The following PLEKHM3 variants were observed in gnomAD, a reference collection of about 807,000 sequenced individuals.
PLEKHM3 encodes pleckstrin homology domain-containing family M member 3.
PLEKHM3 carries 45 observed loss-of-function variants against 81.8 expected under a neutral mutation model. The observed-to-expected ratio is 0.55, with a 90% CI of 0.43 to 0.71. The LOEUF (loss-of-function observed/expected upper bound fraction) is 0.71, where lower values mean the gene tolerates loss of function less well. Ranked by LOEUF, PLEKHM3 falls within the 30% of genes least tolerant of loss-of-function variation. The pLI, the probability that PLEKHM3 is intolerant of heterozygous loss-of-function variation, is 0.00. For missense variants in PLEKHM3, 788 were observed against 924.3 expected (o/e 0.85, Z 1.91); for synonymous variants, 352 against 356.4 (o/e 0.99, Z 0.14).
intron 5 of PLEKHM3, among the ~76,000 whole-genome samples, chr2:207,910,444 C>T (rs1369902857): frequency 1.3e-5 from 2 of 152,170 alleles, no homozygotes. Context: ...ATCATTTTAT[C>T]TAATCCTCAC....
intron 6 of PLEKHM3, chr2:207,900,066 T>G (rs1309648990): frequency 6.6e-6 from 1 of 152,218 alleles, no homozygotes; most frequent in African/African-American, 2.4e-5. Flanking sequence ...CATTTTATTA[T>G]GGGCTCACAC....
At chr2:207,898,911 T>A (rs924358208) in intron 6 of PLEKHM3, among the ~76,000 whole-genome samples, 14 of 151,912 alleles carry the variant, frequency 9.2e-5, no homozygotes, top group Admixed American at 9.2e-4. Context: ...AATAAATAAA[T>A]AAAATAAAAT....
chr2:207,875,667 C>T lies in PLEKHM3; in HGVS notation c.1951-14405G>A, dbSNP rs115036132. Among the ~76,000 whole-genome samples, 260 of 152,290 alleles carry T rather than the reference C, an allele frequency of 1.7e-3. 1 individual carries two copies. The Middle Eastern group carries it at 0.02, about 12-fold the overall frequency. On this transcript the variant is annotated intron_variant, in intron 6 of 7. Transcript: ENST00000427836. ...GCCAGATTGAAAACACACACAAACA[C>T]ACAACTTAGGTTTAGCTGGGCGTGG...
intron 7 of PLEKHM3, among the ~76,000 whole-genome samples, chr2:207,850,823 T>G (rs1354105160): frequency 6.6e-6 from 1 of 152,214 alleles, no homozygotes; most frequent in Non-Finnish European, 1.5e-5. Flanking sequence ...CATAGAGCAG[T>G]GTCAGCCTAA....
intron 2 of PLEKHM3, among the ~76,000 whole-genome samples, chr2:207,993,800 G>A (rs1032143779): frequency 3.3e-5 from 5 of 152,114 alleles, no homozygotes; most frequent in African/African-American, 7.2e-5. Flanking sequence ...AGTTTGTTGA[G>A]TTTCAGAGCT....
chr2:208,003,058 G>A (rs1692366174), intron 1 of PLEKHM3, among the ~76,000 whole-genome samples: 1 of 152,146 alleles, frequency 6.6e-6, no homozygotes, highest in East Asian at 1.9e-4. Context: ...GAATTCCCAT[G>A]TGTTGTGGGA....
chr2:207,956,404 C>T (rs796077969), intron 3 of PLEKHM3, among the ~76,000 whole-genome samples: 6 of 151,760 alleles, frequency 4.0e-5, no homozygotes, highest in African/African-American at 1.2e-4. Context: ...ACCCAGGAGG[C>T]GGAGGTTGCA....
intron 6 of PLEKHM3, among the ~76,000 whole-genome samples, chr2:207,886,172 G>A (rs1407063744): frequency 6.6e-6 from 1 of 152,058 alleles, no homozygotes; most frequent in Non-Finnish European, 1.5e-5. Context: ...TTTAAAAACA[G>A]GAATATTTTA....
At chr2:207,837,632 CTTTTTTTT>C (rs756408346) in intron 7 of PLEKHM3, among the ~76,000 whole-genome samples, 23 of 105,958 alleles carry the variant, frequency 2.2e-4, no homozygotes, top group Middle Eastern at 5.9e-3. Context: ...ATAGTTCTCC[CTTTTTTTT>C]TTTTTTTTTT....
rs1267311312 is a variant in PLEKHM3, at chr2:207,915,482, A to G, written c.1887-6905T>C. On this transcript the variant is annotated intron_variant, in intron 5 of 7. Coordinates refer to ENST00000427836, the MANE Select transcript of PLEKHM3 (RefSeq NM_001080475.3). ...TCACGAGAAAAAAGGGATTGGGGTC[A>G]GGCTCTAAAGTAGGCAGACCCTTTG... Among the ~76,000 whole-genome samples the G allele has an allele frequency of 2.0e-5, 3 of 152,194 alleles. No homozygotes were observed. In the East Asian group the frequency reaches 5.8e-4, roughly 29 times the overall value.
intron 7 of PLEKHM3, among the ~76,000 whole-genome samples, chr2:207,855,517 A>C (rs147237678): frequency 9.4e-4 from 143 of 152,332 alleles, no homozygotes; most frequent in Non-Finnish European, 1.6e-3. Context: ...CCCACTCCTT[A>C]AGTGTGGGCT....
chr2:208,003,541 A>G (rs1161921171), intron 1 of PLEKHM3, among the ~76,000 whole-genome samples: 1 of 152,122 alleles, frequency 6.6e-6, no homozygotes, highest in Admixed American at 6.6e-5. Context: ...AGTTCATAGC[A>G]CCTCTATAGA....
chr2:207,896,620 C>A (rs1384869477), intron 6 of PLEKHM3, among the ~76,000 whole-genome samples: 1 of 152,074 alleles, frequency 6.6e-6, no homozygotes, highest in Admixed American at 6.6e-5. Context: ...GAGTAAAGGC[C>A]CTTCGGTCCA....
At chr2:207,841,098 C>T (rs74816795) in intron 7 of PLEKHM3, among the ~76,000 whole-genome samples, 2,292 of 151,898 alleles carry the variant, frequency 0.015, 58 homozygotes, top group African/African-American at 0.051. Flanking sequence ...GGATTACAGA[C>T]GCCCGGACAA....
chr2:207,945,396 G>T (rs1690088290), intron 4 of PLEKHM3, among the ~76,000 whole-genome samples: 1 of 152,180 alleles, frequency 6.6e-6, no homozygotes, highest in Admixed American at 6.5e-5. Flanking sequence ...ACTTTGCAAA[G>T]CTATTAGCAT....
In PLEKHM3 at chr2:207,825,015, G is replaced by C. The variant is rs962794719; in HGVS notation, c.*3304C>G. The C allele has an allele frequency of 1.3e-5, 2 of 152,118 alleles. No homozygotes were observed. The highest frequency in any genetic ancestry group is 4.8e-5 in the African/African-American group (2 of 41,434). 9.4% of individuals were successfully genotyped at this position (152,118 alleles called of 1,614,324 possible). On this transcript the variant is annotated 3_prime_UTR_variant, in exon 8 of 8. Transcript: ENST00000427836. ...CCTTTAGCACTACAGACGTAAAAAT[G>C]ACTCTAATGCACTCCCTAGAAAAGG...
At chr2:208,021,836 A>G (rs1693141756) in intron 1 of PLEKHM3, among the ~76,000 whole-genome samples, 1 of 152,170 alleles carries the variant, frequency 6.6e-6, no homozygotes, top group South Asian at 2.1e-4. Context: ...CCACCTAGCA[A>G]TCATTGGTAA....
chr2:207,864,638 G>A (rs1032827803), intron 6 of PLEKHM3, among the ~76,000 whole-genome samples: 19 of 152,200 alleles, frequency 1.2e-4, no homozygotes, highest in Non-Finnish European at 2.4e-4. Flanking sequence ...TAAAGGAGAA[G>A]TTTGAGCATC....
rs1452891829 is a variant in PLEKHM3 at position 207,977,362 on chromosome 2, C to G, written c.835G>C (p.Val279Leu). 3 of 1,614,096 alleles carry G rather than the reference C, an allele frequency of 1.9e-6. No homozygotes were observed. The highest frequency in any genetic ancestry group is 1.7e-4 in the Middle Eastern group (1 of 6,060). ...GNLEARMVDT[V>L]LYDNTQLQLK... Reference sequence around the variant, plus strand: ...TGTAGCTGAGTGTTGTCATACAAAACAGTATCCACCATCCTGGCCTCCAGG... The same window carrying G: ...TGTAGCTGAGTGTTGTCATACAAAAGAGTATCCACCATCCTGGCCTCCAGG... The change falls in exon 3 of 8, where the codon GTT becomes CTT. Residue 279 changes from valine to leucine, a missense_variant. Coordinates refer to ENST00000427836, the MANE Select transcript of PLEKHM3 (RefSeq NM_001080475.3).
Sources: gnomAD v4.1 joint callset for allele counts (sites outside exome capture counted in the v4.1 genomes callset) on GRCh38, gnomAD v4.1.1 for gene constraint, MANE v1.5 for transcripts, NCBI Gene and HGNC (gene_info 2026-07-23, HGNC 2026-07-21) for gene names.